HPSE2: variants seen among roughly 807,000 people sequenced by gnomAD.
HPSE2 encodes inactive heparanase-2.
A neutral mutation model predicts 60.5 loss-of-function variants in HPSE2; 38 were observed. That is an observed-to-expected ratio of 0.63 (90% CI 0.48 to 0.82). HPSE2 has a LOEUF of 0.82. HPSE2 is among the 40% of genes least tolerant of loss of function. HPSE2 has a pLI of 0.00. For synonymous variants in HPSE2, 295 were observed against 293.2 expected, an observed-to-expected ratio of 1.01 and a Z score of -0.06; for missense variants, 713 against 740.4, an observed-to-expected ratio of 0.96 and a Z score of 0.43.
At chr10:99,308,329 G>A in the HPSE2 span, among the ~76,000 whole-genome samples, 2 of 130,876 alleles carry the variant, frequency 1.5e-5, no homozygotes, top group African/African-American at 3.0e-5. Flanking sequence ...GCAGTGAGCC[G>A]AGATTGTGCC....
chr10:98,882,365 C>T (rs1590003872), intron 3 of HPSE2, among the ~76,000 whole-genome samples: 1 of 152,046 alleles, frequency 6.6e-6, no homozygotes. Context: ...AACAGACAAC[C>T]TCAAAGTCTC....
chr10:98,576,388 A>T (rs1459164534), intron 9 of HPSE2, among the ~76,000 whole-genome samples: 3 of 152,168 alleles, frequency 2.0e-5, no homozygotes, highest in African/African-American at 7.2e-5. Flanking sequence ...ACAGTTTAAT[A>T]TCTTTTTTTG....
intron 9 of HPSE2, among the ~76,000 whole-genome samples, chr10:98,530,513 T>C (rs1943097770): frequency 6.6e-6 from 1 of 152,206 alleles, no homozygotes; most frequent in East Asian, 1.9e-4. Context: ...TTTATCCATG[T>C]ACAAGGGATC....
chr10:98,949,963 T>C (rs938968268), intron 3 of HPSE2, among the ~76,000 whole-genome samples: 5 of 152,176 alleles, frequency 3.3e-5, no homozygotes, highest in African/African-American at 1.2e-4. Flanking sequence ...TTTAAAAATA[T>C]CAAGTTTTCT....
At chr10:98,992,532 A>G (rs1318172057) in intron 3 of HPSE2, among the ~76,000 whole-genome samples, 2 of 152,214 alleles carry the variant, frequency 1.3e-5, no homozygotes, top group African/African-American at 2.4e-5. Context: ...GAAGCACAGT[A>G]GGATTTAATT....
intron 3 of HPSE2, among the ~76,000 whole-genome samples, chr10:99,041,219 C>T (rs1957732310): frequency 6.6e-6 from 1 of 152,166 alleles, no homozygotes; most frequent in Admixed American, 6.5e-5. Flanking sequence ...ACTGCTCTCA[C>T]AGAGAACAGA....
chr10:99,305,875 G>A, the HPSE2 span, among the ~76,000 whole-genome samples: 1 of 151,726 alleles, frequency 6.6e-6, no homozygotes, highest in Non-Finnish European at 1.5e-5. Context: ...ATAACTCAAT[G>A]GATGTGTGTA....
intron 9 of HPSE2, among the ~76,000 whole-genome samples, chr10:98,565,072 T>C (rs1184851517): frequency 2.0e-5 from 3 of 152,266 alleles, no homozygotes; most frequent in Admixed American, 2.0e-4. Context: ...AACAACCTTA[T>C]ATTCTTAAGC....
chr10:98,516,119 T>C (rs986417507), intron 9 of HPSE2, among the ~76,000 whole-genome samples: 26 of 152,220 alleles, frequency 1.7e-4, no homozygotes, highest in Admixed American at 6.5e-5. Flanking sequence ...TCCGTGTTTG[T>C]TCATAACAAT....
the HPSE2 span, among the ~76,000 whole-genome samples, chr10:99,255,648 A>G: frequency 6.6e-6 from 1 of 152,096 alleles, no homozygotes; most frequent in African/African-American, 2.4e-5. Flanking sequence ...TCCATTCCTC[A>G]TAAAAACTCT....
intron 3 of HPSE2, among the ~76,000 whole-genome samples, chr10:98,961,568 C>T (rs371019613): frequency 2.6e-4 from 15 of 58,150 alleles, no homozygotes; most frequent in African/African-American, 1.1e-3. Context: ...TCATGTCCTT[C>T]GCCCACTTTT....
chr10:99,167,288 C>G (rs1187942895), intron 2 of HPSE2, among the ~76,000 whole-genome samples: 1 of 152,164 alleles, frequency 6.6e-6, no homozygotes, highest in Non-Finnish European at 1.5e-5. Flanking sequence ...GGATTACAAG[C>G]ATGAGCCACC....
the HPSE2 span, among the ~76,000 whole-genome samples, chr10:99,286,828 T>A: frequency 6.6e-6 from 1 of 152,202 alleles, no homozygotes; most frequent in Admixed American, 6.5e-5. Context: ...TGCTTGGAAC[T>A]GTGCAAACTG....
chr10:98,910,658 T>C (rs74384011), intron 3 of HPSE2, among the ~76,000 whole-genome samples: 1 of 152,294 alleles, frequency 6.6e-6, no homozygotes, highest in East Asian at 1.9e-4. Context: ...AACAGTAATC[T>C]CTCAGTGTCA....
the HPSE2 span, among the ~76,000 whole-genome samples, chr10:99,240,981 T>C: frequency 6.6e-6 from 1 of 152,212 alleles, no homozygotes; most frequent in Non-Finnish European, 1.5e-5. Flanking sequence ...TACCCAACTA[T>C]GATGACTAAT....
intron 3 of HPSE2, among the ~76,000 whole-genome samples, chr10:98,749,482 T>A (rs115166763): frequency 0.014 from 2,051 of 151,136 alleles, 41 homozygotes; most frequent in African/African-American, 0.047. Context: ...TACATGCATG[T>A]ATATATACAG....
chr10:98,762,012 T>TC (rs1950017256), intron 3 of HPSE2, among the ~76,000 whole-genome samples: 1 of 80,464 alleles, frequency 1.2e-5, no homozygotes, highest in South Asian at 4.3e-4. Context: ...TCCCCTCCCC[T>TC]CCCCTCTTCT....
chr10:99,214,209 G>A (rs1010407038), intron 2 of HPSE2, among the ~76,000 whole-genome samples: 1 of 152,148 alleles, frequency 6.6e-6, no homozygotes, highest in Non-Finnish European at 1.5e-5. Context: ...CCATTAACAA[G>A]TGTTGGCATG....
chr10:99,047,806 C>T lies in HPSE2; in HGVS notation c.610+96432G>A, dbSNP rs942294493. 8 of 819,434 alleles carry T rather than the reference C, an allele frequency of 9.8e-6. No individual in the cohort carries two copies. The African/African-American group carries it at 1.2e-4, about 12-fold the overall frequency. 50.8% of individuals were successfully genotyped at this position (819,434 alleles called of 1,614,324 possible). A position where few individuals can be genotyped will look rare whatever the true frequency, so the allele number is the denominator to read the frequency against. The stretch of plus-strand genomic sequence containing the variant: ...AGCTTATCTACAAAAAAGCAAAGCA[C>T]TATCACAAGGAATATAGGCAGATGT... On this transcript the variant is annotated intron_variant, in intron 3 of 11. Transcript: ENST00000370552.
Sources: gnomAD v4.1 joint callset for allele counts (sites outside exome capture counted in the v4.1 genomes callset) on GRCh38, gnomAD v4.1.1 for gene constraint, MANE v1.5 for transcripts, NCBI Gene and HGNC (gene_info 2026-07-23, HGNC 2026-07-21) for gene names.